The following GRHL1 variants were observed in gnomAD, a reference collection of about 807,000 sequenced individuals.
The protein encoded by GRHL1 is grainyhead-like protein 1 homolog.
In GRHL1, 38 loss-of-function variants were observed where a neutral mutation model predicts 75.7. That is an observed-to-expected ratio of 0.50 (90% CI 0.39 to 0.66). The LOEUF (loss-of-function observed/expected upper bound fraction) is 0.66, where lower values mean the gene tolerates loss of function less well. GRHL1 is among the 30% of genes least tolerant of loss of function. The pLI, the probability that GRHL1 is intolerant of heterozygous loss-of-function variation, is 0.00. For missense variants in GRHL1, 589 were observed against 767.5 expected, an observed-to-expected ratio of 0.77 and a Z score of 2.75; for synonymous variants, 266 against 279.4, an observed-to-expected ratio of 0.95 and a Z score of 0.48.
intron 8 of GRHL1, among the ~76,000 whole-genome samples, chr2:9,973,300 C>T (rs1003947082): frequency 1.3e-5 from 2 of 152,116 alleles, no homozygotes; most frequent in African/African-American, 2.4e-5. Flanking sequence ...GACTCAGTCC[C>T]CAGTACCTTC....
At chr2:9,962,615 G>T (rs1558293650) in intron 5 of GRHL1, 84 bp downstream of exon 5, 3 of 776,732 alleles carry the variant, frequency 3.9e-6, no homozygotes, top group Non-Finnish European at 6.8e-6. Context: ...ATCAAAGGTG[G>T]CTTTAGCAGG....
intron 12 of GRHL1, among the ~76,000 whole-genome samples, chr2:9,994,797 A>G (rs137876547): frequency 1.0e-3 from 152 of 152,136 alleles, no homozygotes; most frequent in African/African-American, 3.6e-3. Context: ...TGGACCCTCC[A>G]TGCCAGGTGC....
At chr2:9,966,846 A>C (rs1423182388) in intron 8 of GRHL1, among the ~76,000 whole-genome samples, 3 of 152,164 alleles carry the variant, frequency 2.0e-5, no homozygotes, top group African/African-American at 7.2e-5. Flanking sequence ...TTGTGGCTTT[A>C]GAAGGGTTTT....
chr2:9,984,809 C>T (rs1267611468), intron 8 of GRHL1, among the ~76,000 whole-genome samples: 1 of 151,898 alleles, frequency 6.6e-6, no homozygotes, highest in Non-Finnish European at 1.5e-5. Context: ...TGCCTGTAAT[C>T]CCAGCACTTT....
Position 9,961,161 on chromosome 2 carries a change from A to C in GRHL1, c.394A>C (p.Ile132Leu), listed in dbSNP as rs1667251647. The C allele has an allele frequency of 1.2e-6, 2 of 1,613,944 alleles. No individual in the cohort carries two copies. ...IVLPHGNQLG[I>L]DKRGHLTAPD... ...CCTTCCCCATGGCAACCAGCTGGGC[A>C]TTGATAAGAGAGGCCATCTGACAGC... Residue 132 changes from isoleucine to leucine, a missense_variant, in exon 4 of 16, where the codon ATT (isoleucine) becomes CTT (leucine). By Grantham distance (5) the Ile-to-Leu change is conservative. Transcript: ENST00000324907.
intron 8 of GRHL1, among the ~76,000 whole-genome samples, chr2:9,977,362 T>C (rs555273070): frequency 3.9e-5 from 6 of 152,176 alleles, no homozygotes; most frequent in Non-Finnish European, 8.8e-5. Flanking sequence ...GCTCTGTCAC[T>C]CAGGCTGGAG....
At chr2:9,994,940 C>G (rs3791753) in intron 12 of GRHL1, among the ~76,000 whole-genome samples, 28,408 of 152,014 alleles carry the variant, frequency 0.19, 2,989 homozygotes, top group Admixed American at 0.29. Flanking sequence ...ATTATACCAG[C>G]CTCCTTCCCC....
At chr2:9,975,432 A>G (rs554634729) in intron 8 of GRHL1, among the ~76,000 whole-genome samples, 1 of 152,224 alleles carries the variant, frequency 6.6e-6, no homozygotes, top group Non-Finnish European at 1.5e-5. Flanking sequence ...GGCAGTCTCT[A>G]AATACCATAA....
chr2:9,959,013 C>G, intron 3 of GRHL1, 157 bp downstream of exon 3: 1 of 1,158,958 alleles, frequency 8.6e-7, no homozygotes, highest in Non-Finnish European at 1.1e-6. Flanking sequence ...ACTGATTTGC[C>G]TCTGTTGCTC....
chr2:9,955,343 G>A (rs1666968117), intron 2 of GRHL1, among the ~76,000 whole-genome samples: 1 of 152,206 alleles, frequency 6.6e-6, no homozygotes, highest in Non-Finnish European at 1.5e-5. Flanking sequence ...AGAAGGTGAA[G>A]CTACCGTAAA....
intron 8 of GRHL1, among the ~76,000 whole-genome samples, chr2:9,980,849 G>A (rs990149440): frequency 3.7e-4 from 57 of 152,162 alleles, no homozygotes; most frequent in African/African-American, 1.4e-3. Context: ...AGGAGGAGTT[G>A]GATGTGTGCT....
rs538371698 is a variant in GRHL1 at position 9,957,181 on chromosome 2, G to T, written c.208-1605G>T. On this transcript the variant is annotated intron_variant, in intron 2 of 15. Coordinates refer to ENST00000324907, the MANE Select transcript of GRHL1 (RefSeq NM_198182.3). ...TAATTTTAAAATTTTTTGTAGAGAG[G>T]AGTCTCACTATGTTGCCCAGGCTGG... is the stretch of plus-strand genomic sequence containing the variant. Among the ~76,000 whole-genome samples, 3 of 151,708 alleles carry T rather than the reference G, an allele frequency of 2.0e-5. No homozygotes were observed. In the East Asian group the frequency reaches 5.8e-4, roughly 29 times the overall value.
At chr2:9,980,040 G>T (rs1036759688) in intron 8 of GRHL1, among the ~76,000 whole-genome samples, 20 of 152,160 alleles carry the variant, frequency 1.3e-4, no homozygotes, top group Non-Finnish European at 2.8e-4. Flanking sequence ...GTTGATAAAA[G>T]CTCGAAAGGA....
intron 8 of GRHL1, among the ~76,000 whole-genome samples, chr2:9,972,364 G>A (rs528047066): frequency 6.6e-6 from 1 of 151,538 alleles, no homozygotes; most frequent in Non-Finnish European, 1.5e-5. Flanking sequence ...CTGTCTTTTC[G>A]ACCAGTTTTG....
rs371441583 is a variant in GRHL1, at chr2:9,998,599, CATAT to C, written c.1678-358_1678-355del. On this transcript the variant is annotated intron_variant, in intron 14 of 15. Coordinates refer to ENST00000324907, the MANE Select transcript of GRHL1 (RefSeq NM_198182.3). ...ATACATATGTACATATATATGTACA[CATAT>C]ATATATACATATATATGTACACATA... Among the ~76,000 whole-genome samples, 310 of 44,640 alleles carry C rather than the reference CATAT, an allele frequency of 6.9e-3. 82 individuals are homozygous for C. Among genetic ancestry groups the C allele is most frequent in the African/African-American group, 0.034 (272 of 7,936 alleles). The allele number at this position is 44,640 out of a possible 152,430, so 29.3% of individuals were successfully genotyped here.
intron 1 of GRHL1, among the ~76,000 whole-genome samples, chr2:9,953,608 C>T (rs776824930): frequency 6.6e-6 from 1 of 152,190 alleles, no homozygotes; most frequent in Non-Finnish European, 1.5e-5. Context: ...TCAAATAACA[C>T]TTCATTTTGA....
chr2:9,997,838 AAAAC>A (rs1023958999), intron 14 of GRHL1, among the ~76,000 whole-genome samples: 9 of 152,118 alleles, frequency 5.9e-5, no homozygotes, highest in African/African-American at 1.4e-4. Flanking sequence ...AAAACAACAA[AAAAC>A]AAACAAACAA....
intron 1 of GRHL1, among the ~76,000 whole-genome samples, chr2:9,952,617 G>A (rs779498949): frequency 1.9e-4 from 29 of 151,930 alleles, no homozygotes; most frequent in Non-Finnish European, 3.2e-4. Context: ...AGGTGGTAGT[G>A]TAATAAGGCA....
intron 8 of GRHL1, among the ~76,000 whole-genome samples, chr2:9,970,162 G>A (rs948620030): frequency 6.6e-6 from 1 of 152,190 alleles, no homozygotes; most frequent in Non-Finnish European, 1.5e-5. Context: ...ACTTTTAAAG[G>A]ATGTAATGAA....
Sources: gnomAD v4.1 joint callset for allele counts (sites outside exome capture counted in the v4.1 genomes callset) on GRCh38, gnomAD v4.1.1 for gene constraint, MANE v1.5 for transcripts, NCBI Gene and HGNC (gene_info 2026-07-23, HGNC 2026-07-21) for gene names.